SFXN3: variants seen among roughly 807,000 people sequenced by gnomAD.
SFXN3 encodes sideroflexin-3.
In SFXN3, 31 loss-of-function variants were observed where a neutral mutation model predicts 40.4. The ratio of observed to expected loss-of-function variants is 0.77; its 90% CI spans 0.58 to 1.04. The LOEUF is 1.04. SFXN3 is among the 50% of genes least tolerant of loss of function. SFXN3 has a pLI of 0.00. For synonymous variants in SFXN3, 157 were observed against 160.0 expected, an observed-to-expected ratio of 0.98 and a Z score of 0.14; for missense variants, 366 against 408.2, an observed-to-expected ratio of 0.90 and a Z score of 0.89.
intron 2 of SFXN3, 142 bp downstream of exon 2, chr10:101,032,624 G>T (rs1401429699): frequency 1.0e-6 from 1 of 960,034 alleles, no homozygotes; most frequent in South Asian, 2.1e-5. Flanking sequence ...GGGAGGTTGG[G>T]GGGAGGAATG....
chr10:101,035,605 C>T (rs1384690213), exon 4 of SFXN3: 2 of 1,613,986 alleles, frequency 1.2e-6, no homozygotes, highest in Non-Finnish European at 1.7e-6. Flanking sequence ...TCCTGATTGG[C>T]CGCATGTCAG....
chr10:101,036,603 A>G lies in SFXN3; in HGVS notation c.507+42A>G, dbSNP rs1489294151. 3.7e-6 allele frequency: 6 copies of G among 1,612,982 alleles called. No homozygotes were observed. The Admixed American group carries it at 5.0e-5, about 13-fold the overall frequency. ...CCCCTGACCACCCCATTCATCCTCT[A>G]TCTGCCTCCTTCTTCCTCATCACAC... On this transcript the variant is annotated intron_variant, in intron 6 of 11. Coordinates refer to ENST00000393459, the Ensembl canonical transcript of SFXN3. The surrounding 1 kb of genome is among the most constrained non-coding windows in gnomAD (Gnocchi z 4.2).
rs1388117792 is a variant in SFXN3, at chr10:101,035,991, T to C, written c.333-12T>C. Reference sequence around the variant, plus strand: ...GTAGACGGGGCAGAAGTGAGTGTCTTTGTTCCCTCAGGAAGACCCCAACCG... The same window carrying C: ...GTAGACGGGGCAGAAGTGAGTGTCTCTGTTCCCTCAGGAAGACCCCAACCG... On this transcript the variant is annotated splice_polypyrimidine_tract_variant and intron_variant, in intron 4 of 11. Transcript: ENST00000393459. The C allele has an allele frequency of 6.2e-7, 1 of 1,611,336 alleles. No homozygotes were observed. Among genetic ancestry groups the C allele is most frequent in the South Asian group, 1.1e-5 (1 of 91,022 alleles).
chr10:101,038,217 T>C (rs1178339185), intron 9 of SFXN3: 4 of 1,019,070 alleles, frequency 3.9e-6, no homozygotes, highest in East Asian at 1.3e-4. Context: ...GAGGAACAGG[T>C]TGGTGGTCCC....
At chr10:101,038,314 A>G in intron 9 of SFXN3, 1 of 1,268,396 alleles carries the variant, frequency 7.9e-7, no homozygotes, top group Non-Finnish European at 1.0e-6. Flanking sequence ...GGAAGAGGTA[A>G]GTGGAGGTTC....
rs1231952982 is a variant in SFXN3 at position 101,039,523 on chromosome 10, A to G, written c.904A>G (p.Arg302Gly). 6.2e-7 allele frequency: 1 copy of G among 1,614,136 alleles called. No individual in the cohort carries two copies. Among genetic ancestry groups the G allele is most frequent in the African/African-American group, 1.3e-5 (1 of 75,042 alleles). Residue 302 changes from arginine (R) to glycine (G), a missense_variant, in exon 12 of 12, where the codon AGA (arginine) becomes GGA (glycine). By Grantham distance (125) the Arg-to-Gly change is moderately radical (BLOSUM62 -2). Coordinates refer to ENST00000393459, the Ensembl canonical transcript of SFXN3. This position sits in a 1 kb window ranked among gnomAD's most constrained non-coding sequence, Gnocchi z 4.6. ...CATAAGCAACCTGGAACCAGAGCTG[A>G]GAGCTCAGATCCATGAGCAAAACCC... is the stretch of plus-strand genomic sequence containing the variant.
In SFXN3 at chr10:101,036,213, C is replaced by T; in HGVS notation, c.431+112C>T. The T allele has an allele frequency of 1.1e-6, 1 of 938,090 alleles. No homozygotes were observed. The highest frequency in any genetic ancestry group is 1.5e-5 in the South Asian group (1 of 68,224). The allele number at this position is 938,090 out of a possible 1,614,324, so 58.1% of individuals were successfully genotyped here. ...CCCTGTGGACCATGCAGCCAGTGCTCAGCGCCCTCTCCTCAGCCTGCCCCA... is the reference window on the plus strand; with the variant it reads ...CCCTGTGGACCATGCAGCCAGTGCTTAGCGCCCTCTCCTCAGCCTGCCCCA... On this transcript the variant is annotated intron_variant, in intron 5 of 11. Transcript: ENST00000393459. This position sits in a 1 kb window ranked among gnomAD's most constrained non-coding sequence, Gnocchi z 4.2.
chr10:101,034,224 C>T (rs1054073488), intron 2 of SFXN3, among the ~76,000 whole-genome samples: 1 of 152,116 alleles, frequency 6.6e-6, no homozygotes, highest in African/African-American at 2.4e-5. Context: ...GGCAGAAGTC[C>T]CTGTGGCTTT....
Position 101,039,825 on chromosome 10 carries a change from C to T in SFXN3, c.*240C>T, listed in dbSNP as rs1054430478. 63 of 564,874 alleles carry T rather than the reference C, an allele frequency of 1.1e-4. No homozygotes were observed. The highest frequency in any genetic ancestry group is 1.3e-4 in the Non-Finnish European group (40 of 313,748). 35.0% of individuals were successfully genotyped at this position (564,874 alleles called of 1,614,324 possible). On this transcript the variant is annotated 3_prime_UTR_variant, in exon 12 of 12. Coordinates refer to ENST00000393459, the Ensembl canonical transcript of SFXN3. The surrounding 1 kb of genome is among the most constrained non-coding windows in gnomAD (Gnocchi z 4.6). ...CTGTGCTTGAGTGTCCATGCATATA[C>T]ATACATGATACACATGTGTATGTGT... is the stretch of plus-strand genomic sequence containing the variant.
rs1319296546 is a variant in SFXN3 at position 101,032,609 on chromosome 10, C to T, written c.-4+127C>T. On this transcript the variant is annotated intron_variant, in intron 2 of 11. Coordinates refer to ENST00000393459, the Ensembl canonical transcript of SFXN3. The stretch of plus-strand genomic sequence containing the variant: ...TCTGTGGAGGTCCAAGTCCACAGGG[C>T]ACAAGGGAGGTTGGGGGGAGGAATG... 3.2e-5 allele frequency: 35 copies of T among 1,102,298 alleles called. No homozygotes were observed. The Admixed American group carries it at 3.4e-4, about 11-fold the overall frequency. The allele number at this position is 1,102,298 out of a possible 1,614,324, so 68.3% of individuals were successfully genotyped here. A position where few individuals can be genotyped will look rare whatever the true frequency, so the allele number is the denominator to read the frequency against.
chr10:101,036,690 T>C lies in SFXN3; in HGVS notation c.508-33T>C. ...AGAGTCCCTCACCACCCCATGGCCC[T>C]TAGGGCCACTGAACAACACCCTTCC... is the stretch of plus-strand genomic sequence containing the variant. On this transcript the variant is annotated intron_variant, in intron 6 of 11. Transcript: ENST00000393459. This position sits in a 1 kb window ranked among gnomAD's most constrained non-coding sequence, Gnocchi z 4.2. 6.2e-7 allele frequency: 1 copy of C among 1,605,054 alleles called. No homozygotes were observed. The highest frequency in any genetic ancestry group is 2.2e-5 in the East Asian group (1 of 44,578).
chr10:101,034,978 A>G, intron 3 of SFXN3, 123 bp downstream of exon 3: 1 of 1,283,508 alleles, frequency 7.8e-7, no homozygotes, highest in Non-Finnish European at 1.1e-6. Context: ...CTCACTCTCT[A>G]GCCCCGTCTG....
At chr10:101,031,732 C>A (rs959787415) in intron 1 of SFXN3, among the ~76,000 whole-genome samples, 198 bp downstream of exon 1, 5 of 152,088 alleles carry the variant, frequency 3.3e-5, no homozygotes, top group Admixed American at 2.0e-4. Flanking sequence ...GGGTCGTCTG[C>A]CCCTCCACAT....
chr10:101,034,829 T>A, exon 3 of SFXN3: 1 of 1,614,172 alleles, frequency 6.2e-7, no homozygotes, highest in Non-Finnish European at 8.5e-7. Context: ...AGCTGGAAGC[T>A]TCTCGGAACA....
chr10:101,032,889 C>T (rs1938375800), intron 2 of SFXN3, among the ~76,000 whole-genome samples: 1 of 152,164 alleles, frequency 6.6e-6, no homozygotes, highest in South Asian at 2.1e-4. Context: ...AGCCAGATGG[C>T]TGCACCAGGC....
At chr10:101,032,345 CGCGG>C in exon 2 of SFXN3, 1 of 1,169,450 alleles carries the variant, frequency 8.6e-7, no homozygotes, top group Non-Finnish European at 1.2e-6. Flanking sequence ...ACCGGGTGGG[CGCGG>C]CCGGGAAGCT....
intron 1 of SFXN3, 109 bp from the exon 2 acceptor site, chr10:101,032,205 G>A (rs897549203): frequency 2.5e-6 from 1 of 403,628 alleles, no homozygotes; most frequent in Non-Finnish European, 4.4e-6. Context: ...GCTGGGGAGG[G>A]GGCCAGAACT....
Position 101,036,051 on chromosome 10 carries a change from T to A in SFXN3, c.381T>A (p.Asn127Lys), listed in dbSNP as rs1196836583. The change falls in exon 5 of 12, where the codon AAT becomes AAA. Residue 127 changes from asparagine to lysine, a missense_variant. Coordinates refer to ENST00000393459, the Ensembl canonical transcript of SFXN3. This position sits in a 1 kb window ranked among gnomAD's most constrained non-coding sequence, Gnocchi z 4.2. ...GGCAGTGGGTGAATCAGTCCTTCAA[T>A]GCCATTGTTAACTACTCCAACCGCA... 1.1e-5 allele frequency: 17 copies of A among 1,614,068 alleles called. No individual in the cohort carries two copies. Among genetic ancestry groups the A allele is most frequent in the Non-Finnish European group, 1.3e-5 (15 of 1,179,980 alleles).
chr10:101,036,146 C>A lies in SFXN3; in HGVS notation c.431+45C>A. 6.7e-7 allele frequency: 1 copy of A among 1,492,600 alleles called. No homozygotes were observed. The highest frequency in any genetic ancestry group is 9.3e-7 in the Non-Finnish European group (1 of 1,071,112). The allele number at this position is 1,492,600 out of a possible 1,614,324, so 92.5% of individuals were successfully genotyped here. On this transcript the variant is annotated intron_variant, in intron 5 of 11. Transcript: ENST00000393459. The surrounding 1 kb of genome is among the most constrained non-coding windows in gnomAD (Gnocchi z 4.2). The stretch of plus-strand genomic sequence containing the variant: ...AGCAGCTGCACTGTCCCATCTGACC[C>A]TCTCCTCCCAGCCTGCAGTGCCCTC...
Sources: allele counts gnomAD v4.1 joint callset (sites outside exome capture counted in the v4.1 genomes callset), GRCh38; gene constraint gnomAD v4.1.1; non-coding constraint Gnocchi (gnomAD v3.1); transcripts MANE v1.5; gene names NCBI Gene and HGNC (gene_info 2026-07-23, HGNC 2026-07-21).